Variants in CBFA2T3 observed in about 807,000 individuals in gnomAD.
The protein encoded by CBFA2T3 is CBFA2/RUNX1 partner transcriptional co-repressor 3, also known as transcriptional corepressor CBFA2T3.
In CBFA2T3, 31 loss-of-function variants were observed where a neutral mutation model predicts 58.6. The ratio of observed to expected loss-of-function variants is 0.53; its 90% CI spans 0.40 to 0.71. The LOEUF is 0.71. Among genes scored for constraint, CBFA2T3 ranks in the 30% least tolerant of loss-of-function variants. The pLI is 0.00. For synonymous variants in CBFA2T3, 531 were observed against 421.9 expected, an observed-to-expected ratio of 1.26 and a Z score of -3.17; for missense variants, 1,076 against 963.1, an observed-to-expected ratio of 1.12 and a Z score of -1.55.
chr16:88,972,386 G>C (rs939144590), intron 1 of CBFA2T3, among the ~76,000 whole-genome samples: 1 of 152,154 alleles, frequency 6.6e-6, no homozygotes, highest in African/African-American at 2.4e-5. Context: ...AGGACTTCCT[G>C]CCTCTGTGGA....
rs1972295812 is a variant in CBFA2T3 at position 88,958,864 on chromosome 16, G to A, written c.151+17793C>T. Among the ~76,000 whole-genome samples the A allele has an allele frequency of 6.6e-6, 1 of 152,176 alleles. No individual in the cohort carries two copies. Among genetic ancestry groups the A allele is most frequent in the Non-Finnish European group, 1.5e-5 (1 of 68,020 alleles). ...ACAGGCCTGGCTCCCTAGGGGTATG[G>A]TCAGAGTGGGACCCTGTACCGCCTC... On this transcript the variant is annotated intron_variant, in intron 1 of 11. Coordinates refer to ENST00000268679, the MANE Select transcript of CBFA2T3 (RefSeq NM_005187.6). The surrounding 1 kb of genome is among the most constrained non-coding windows in gnomAD (Gnocchi z 4.0).
In CBFA2T3 at chr16:88,877,293, G is replaced by A. The variant is rs1968876267; in HGVS notation, c.1663-18C>T. 1.3e-5 allele frequency: 20 copies of A among 1,531,874 alleles called. No individual in the cohort carries two copies. Among genetic ancestry groups the A allele is most frequent in the East Asian group, 2.5e-5 (1 of 40,200 alleles). The allele number at this position is 1,531,874 out of a possible 1,614,324, so 94.9% of individuals were successfully genotyped here. A position where few individuals can be genotyped will look rare whatever the true frequency, so the allele number is the denominator to read the frequency against. On this transcript the variant is annotated intron_variant, in intron 11 of 11. Coordinates refer to ENST00000268679, the MANE Select transcript of CBFA2T3 (RefSeq NM_005187.6). The stretch of plus-strand genomic sequence containing the variant: ...CAGCAGCTCTGGGTGGGGGCAGAGG[G>A]GCCAGTCAGGGCTGGGTCTGGCCAC...
At position 88,893,819 on chromosome 16, in the gene CBFA2T3, G is replaced by A. The variant is rs536779263; in HGVS notation, c.380-1334C>T. Among the ~76,000 whole-genome samples the A allele has an allele frequency of 2.0e-5, 3 of 152,292 alleles. No individual in the cohort carries two copies. The East Asian group carries it at 5.8e-4, about 29-fold the overall frequency. Reference sequence around the variant, plus strand: ...GAGCTAAGGCCAAGCCTCTTGCAAGGCGGCCAGCGCACCCCTCCTGCGCCT... The same window carrying A: ...GAGCTAAGGCCAAGCCTCTTGCAAGACGGCCAGCGCACCCCTCCTGCGCCT... On this transcript the variant is annotated intron_variant, in intron 3 of 11. Coordinates refer to ENST00000268679, the MANE Select transcript of CBFA2T3 (RefSeq NM_005187.6).
intron 1 of CBFA2T3, among the ~76,000 whole-genome samples, chr16:88,911,548 C>T (rs892552154): frequency 1.3e-5 from 2 of 152,278 alleles, no homozygotes; most frequent in Non-Finnish European, 2.9e-5. Flanking sequence ...GCGCCCTCTC[C>T]CTGCAGGAAC....
intron 1 of CBFA2T3, among the ~76,000 whole-genome samples, chr16:88,954,587 C>T (rs1264049651): frequency 3.4e-4 from 16 of 47,502 alleles, no homozygotes; most frequent in Admixed American, 4.6e-4. Flanking sequence ...GCTCCTGACC[C>T]CGCCCAAGGC....
intron 1 of CBFA2T3, among the ~76,000 whole-genome samples, chr16:88,948,714 A>G (rs1007068119): frequency 2.0e-5 from 3 of 152,276 alleles, no homozygotes; most frequent in East Asian, 3.9e-4. Context: ...CTCCATATCC[A>G]ATAGAAAGCA....
At chr16:88,920,283 T>C (rs548241304) in intron 1 of CBFA2T3, among the ~76,000 whole-genome samples, 76 of 152,288 alleles carry the variant, frequency 5.0e-4, no homozygotes, top group African/African-American at 1.8e-3. Flanking sequence ...TTACATTTTA[T>C]CTTCTTTTTT....
chr16:88,901,490 TGG>T lies in CBFA2T3; in HGVS notation c.304+12_304+13del. 1 of 1,419,560 alleles carries T rather than the reference TGG, an allele frequency of 7.0e-7. No homozygotes were observed. Among genetic ancestry groups the T allele is most frequent in the Non-Finnish European group, 9.3e-7 (1 of 1,073,024 alleles). The allele number at this position is 1,419,560 out of a possible 1,614,324, so 87.9% of individuals were successfully genotyped here. A position where few individuals can be genotyped will look rare whatever the true frequency, so the allele number is the denominator to read the frequency against. ...AAACACCTGGCCCTCGGCTGCCAGGTGGGGGCTACTTACGTGTGTGTGGCGTG... is the reference window on the plus strand; with the variant it reads ...AAACACCTGGCCCTCGGCTGCCAGGTGGGCTACTTACGTGTGTGTGGCGTG... On this transcript the variant is annotated intron_variant, in intron 2 of 11. Transcript: ENST00000268679.
At chr16:88,928,563 G>A (rs1971161812) in intron 1 of CBFA2T3, among the ~76,000 whole-genome samples, 1 of 152,216 alleles carries the variant, frequency 6.6e-6, no homozygotes, top group Non-Finnish European at 1.5e-5. Flanking sequence ...ACCCAGTGAG[G>A]GCGTCCCTGA....
At chr16:88,940,629 G>A (rs1017708335) in intron 1 of CBFA2T3, among the ~76,000 whole-genome samples, 1 of 152,066 alleles carries the variant, frequency 6.6e-6, no homozygotes, top group African/African-American at 2.4e-5. Flanking sequence ...AGGGAGCTCT[G>A]GACCCCCCTC....
chr16:88,900,271 G>A (rs1196221020), intron 2 of CBFA2T3, among the ~76,000 whole-genome samples: 1 of 152,144 alleles, frequency 6.6e-6, no homozygotes, highest in East Asian at 2.0e-4. Flanking sequence ...CCCCATTGCT[G>A]GGCCACCCCA....
At chr16:88,909,903 C>A (rs564983439) in intron 1 of CBFA2T3, among the ~76,000 whole-genome samples, 73 of 152,348 alleles carry the variant, frequency 4.8e-4, no homozygotes, top group African/African-American at 1.6e-3. Flanking sequence ...AAACCCAGGC[C>A]AAGGTAAACC....
At chr16:88,976,048 G>C (rs752158999) in intron 1 of CBFA2T3, among the ~76,000 whole-genome samples, 65 of 152,312 alleles carry the variant, frequency 4.3e-4, no homozygotes, top group African/African-American at 9.9e-4. Flanking sequence ...AGGCTCGGGT[G>C]GGGGGTATCA....
intron 3 of CBFA2T3, among the ~76,000 whole-genome samples, chr16:88,892,885 G>C (rs1352065894): frequency 6.6e-6 from 1 of 152,200 alleles, no homozygotes; most frequent in African/African-American, 2.4e-5. Context: ...CCACTCTTGG[G>C]ACTTGCTCTG....
At chr16:88,924,041 G>C (rs1003743561) in intron 1 of CBFA2T3, among the ~76,000 whole-genome samples, 1 of 152,218 alleles carries the variant, frequency 6.6e-6, no homozygotes, top group African/African-American at 2.4e-5. Flanking sequence ...GGGTGGAGGT[G>C]GGGGCGTGGT....
At chr16:88,921,748 G>A (rs867847752) in intron 1 of CBFA2T3, among the ~76,000 whole-genome samples, 3 of 152,248 alleles carry the variant, frequency 2.0e-5, no homozygotes, top group African/African-American at 7.2e-5. Flanking sequence ...CCGTACATCC[G>A]CGGTGCCGGG....
At chr16:88,882,999 G>A (rs1969190830) in intron 7 of CBFA2T3, among the ~76,000 whole-genome samples, 1 of 152,210 alleles carries the variant, frequency 6.6e-6, no homozygotes, top group Admixed American at 6.5e-5. Flanking sequence ...GCCTCCAAGG[G>A]AGGGTTCAGT....
At chr16:88,901,079 A>T (rs963145490) in intron 2 of CBFA2T3, among the ~76,000 whole-genome samples, 5 of 152,168 alleles carry the variant, frequency 3.3e-5, no homozygotes, top group Non-Finnish European at 7.3e-5. Flanking sequence ...CTGCTGTATG[A>T]CCCTGCGGAA....
rs1597656877 is a variant in CBFA2T3 at position 88,881,238 on chromosome 16, C to T, written c.1402+53G>A. On this transcript the variant is annotated intron_variant, in intron 9 of 11. Transcript: ENST00000268679. ...GCCTGCCTGACAGCTCCCAGGTGTCCGCCCCACCAGAGCACCCCGTGTCTG... is the reference window on the plus strand; with the variant it reads ...GCCTGCCTGACAGCTCCCAGGTGTCTGCCCCACCAGAGCACCCCGTGTCTG... The T allele has an allele frequency of 2.3e-5, 35 of 1,498,028 alleles. No individual in the cohort carries two copies. In the East Asian group the frequency reaches 2.5e-4, roughly 11 times the overall value. The allele number at this position is 1,498,028 out of a possible 1,614,324, so 92.8% of individuals were successfully genotyped here.
Sources: gnomAD v4.1 joint callset for allele counts (sites outside exome capture counted in the v4.1 genomes callset) on GRCh38, gnomAD v4.1.1 for gene constraint, Gnocchi (gnomAD v3.1) non-coding constraint, MANE v1.5 for transcripts, NCBI Gene and HGNC (gene_info 2026-07-23, HGNC 2026-07-21) for gene names.